The following PDE4D variants were observed in gnomAD, a reference collection of about 807,000 sequenced individuals.
PDE4D encodes phosphodiesterase 4D.
PDE4D carries 24 observed loss-of-function variants against 87.4 expected under a neutral mutation model. That is an observed-to-expected ratio of 0.27 (90% CI 0.20 to 0.39). The LOEUF (loss-of-function observed/expected upper bound fraction) is 0.39, where lower values mean the gene tolerates loss of function less well. Among genes scored for constraint, PDE4D ranks in the 10% least tolerant of loss-of-function variants. PDE4D has a pLI of 1.00. For missense variants in PDE4D, 714 were observed against 1,041.0 expected (o/e 0.69, Z 4.32); for synonymous variants, 384 against 383.2 (o/e 1.00, Z -0.02).
intron 1 of PDE4D, among the ~76,000 whole-genome samples, chr5:59,595,560 CT>C (rs545731513): frequency 2.9e-4 from 44 of 152,238 alleles, no homozygotes; most frequent in African/African-American, 9.9e-4. Context: ...GAAAAGAACT[CT>C]TTTATTTGCC....
At chr5:60,458,474 A>C (rs906098535) in intron 1 of PDE4D, among the ~76,000 whole-genome samples, 1 of 151,690 alleles carries the variant, frequency 6.6e-6, no homozygotes, top group Non-Finnish European at 1.5e-5. Context: ...TTTTGGAATG[A>C]CACGTCTCCC....
At chr5:59,118,781 C>T (rs1774025584) in intron 5 of PDE4D, among the ~76,000 whole-genome samples, 1 of 152,124 alleles carries the variant, frequency 6.6e-6, no homozygotes, top group African/African-American at 2.4e-5. Flanking sequence ...GCAGACGCAC[C>T]ACAATTCAAG....
intron 5 of PDE4D, among the ~76,000 whole-genome samples, chr5:59,046,402 G>T (rs1316404742): frequency 2.0e-5 from 3 of 149,120 alleles, no homozygotes; most frequent in Non-Finnish European, 4.4e-5. Context: ...GCATGAAAGA[G>T]TGAGAGAGAG....
chr5:59,954,512 C>G (rs1396923265), intron 3 of PDE4D, among the ~76,000 whole-genome samples: 2 of 151,674 alleles, frequency 1.3e-5, no homozygotes, highest in African/African-American at 4.8e-5. Context: ...GGGAAAAAAG[C>G]CGGGAAGATT....
chr5:60,349,638 A>G (rs1269821146), intron 1 of PDE4D, among the ~76,000 whole-genome samples: 1 of 152,188 alleles, frequency 6.6e-6, no homozygotes, highest in African/African-American at 2.4e-5. Context: ...AAATTTATAA[A>G]CACAATCCCA....
intron 1 of PDE4D, among the ~76,000 whole-genome samples, chr5:59,349,390 G>C (rs1780143083): frequency 2.6e-5 from 4 of 152,096 alleles, no homozygotes; most frequent in Admixed American, 2.6e-4. Context: ...CCAAGGTAAA[G>C]TGTATAGAAT....
intron 2 of PDE4D, among the ~76,000 whole-genome samples, chr5:60,074,262 C>A (rs1773050268): frequency 6.6e-6 from 1 of 152,078 alleles, no homozygotes; most frequent in South Asian, 2.1e-4. Flanking sequence ...TTCTTGATTT[C>A]TGCTTTAATT....
intron 2 of PDE4D, among the ~76,000 whole-genome samples, chr5:60,041,139 T>C (rs1768433395): frequency 6.6e-6 from 1 of 152,244 alleles, no homozygotes; most frequent in Non-Finnish European, 1.5e-5. Context: ...AGAAGCAATA[T>C]GTTCATAAAT....
chr5:59,954,902 T>C (rs1441826150), intron 3 of PDE4D, among the ~76,000 whole-genome samples: 3 of 152,200 alleles, frequency 2.0e-5, no homozygotes, highest in Non-Finnish European at 4.4e-5. Context: ...TTATGTAACA[T>C]ACCCTATATA....
chr5:60,109,380 T>A (rs1240984470), intron 2 of PDE4D, among the ~76,000 whole-genome samples: 1 of 151,696 alleles, frequency 6.6e-6, no homozygotes, highest in East Asian at 1.9e-4. Context: ...GGAGAGGATG[T>A]GGAGAAATAG....
chr5:59,315,121 T>C (rs538620099), intron 1 of PDE4D, among the ~76,000 whole-genome samples: 1 of 152,270 alleles, frequency 6.6e-6, no homozygotes, highest in East Asian at 1.9e-4. Context: ...TGTTTTCCTT[T>C]TCGCCCAATA....
chr5:59,687,317 G>A (rs1050593537), intron 1 of PDE4D, among the ~76,000 whole-genome samples: 3 of 152,102 alleles, frequency 2.0e-5, no homozygotes, highest in African/African-American at 7.2e-5. Context: ...AATGTTAAGG[G>A]CAGCCAGAGA....
intron 1 of PDE4D, among the ~76,000 whole-genome samples, chr5:59,706,279 C>A (rs1472206914): frequency 6.6e-6 from 1 of 151,990 alleles, no homozygotes; most frequent in Non-Finnish European, 1.5e-5. Context: ...GAAGCTGTGG[C>A]CAGTGAGGAT....
At chr5:60,280,042 A>T (rs904255302) in intron 1 of PDE4D, among the ~76,000 whole-genome samples, 6 of 151,982 alleles carry the variant, frequency 3.9e-5, no homozygotes, top group Admixed American at 6.6e-5. Context: ...AACCCAGGGC[A>T]CTCCAGGCTG....
chr5:60,318,750 G>A, intron 1 of PDE4D, among the ~76,000 whole-genome samples: 1 of 151,962 alleles, frequency 6.6e-6, no homozygotes, highest in Admixed American at 6.6e-5. Flanking sequence ...ATGAAGCTTA[G>A]TTTGGCTGGA....
chr5:59,220,153 G>T, intron 1 of PDE4D, among the ~76,000 whole-genome samples: 1 of 151,950 alleles, frequency 6.6e-6, no homozygotes. Flanking sequence ...GAAATCTCAG[G>T]GGAGTAAGAT....
At chr5:59,739,830 TG>T (rs1758594849) in intron 1 of PDE4D, among the ~76,000 whole-genome samples, 2 of 152,096 alleles carry the variant, frequency 1.3e-5, no homozygotes, top group African/African-American at 4.8e-5. Flanking sequence ...ATGTCCAATA[TG>T]AAGAGAATGG....
At chr5:59,313,863 A>G (rs1773173098) in intron 1 of PDE4D, among the ~76,000 whole-genome samples, 1 of 152,108 alleles carries the variant, frequency 6.6e-6, no homozygotes, top group South Asian at 2.1e-4. Context: ...TTTCCACTGC[A>G]ACAGCTATCA....
intron 1 of PDE4D, among the ~76,000 whole-genome samples, chr5:59,479,006 T>C (rs563102624): frequency 2.8e-4 from 42 of 152,220 alleles, no homozygotes; most frequent in African/African-American, 9.9e-4. Context: ...TATTCAAAAA[T>C]ATCTGTTGCT....
Sources: allele counts gnomAD v4.1 joint callset (sites outside exome capture counted in the v4.1 genomes callset), GRCh38; gene constraint gnomAD v4.1.1; transcripts MANE v1.5; gene names NCBI Gene and HGNC (gene_info 2026-07-23, HGNC 2026-07-21).